Variants in PCSK5 observed in about 807,000 individuals in gnomAD.
PCSK5 encodes proprotein convertase subtilisin/kexin type 5.
Under a neutral mutation model 233.2 loss-of-function variants are expected in PCSK5, and 129 were observed. That is an observed-to-expected ratio of 0.55 (90% CI 0.48 to 0.64). The LOEUF is 0.64. Ranked by LOEUF, PCSK5 falls within the 30% of genes least tolerant of loss-of-function variation. The pLI is 0.00. For synonymous variants in PCSK5, 825 were observed against 879.2 expected (o/e 0.94, Z 1.09); for missense variants, 2,076 against 2,430.1 (o/e 0.85, Z 3.06).
chr9:76,146,769 T>C (rs1447662682), intron 10 of PCSK5, among the ~76,000 whole-genome samples: 1 of 152,102 alleles, frequency 6.6e-6, no homozygotes, highest in Non-Finnish European at 1.5e-5. Context: ...AATGGATAAA[T>C]ATATAGTAGA....
intron 10 of PCSK5, among the ~76,000 whole-genome samples, chr9:76,154,412 A>G (rs935611717): frequency 3.3e-5 from 5 of 152,152 alleles, no homozygotes; most frequent in Non-Finnish European, 7.3e-5. Context: ...TTATGTCCTC[A>G]TGGTTGTTAG....
intron 1 of PCSK5, among the ~76,000 whole-genome samples, chr9:75,901,395 C>T (rs1199992263): frequency 6.6e-6 from 1 of 152,148 alleles, no homozygotes; most frequent in Non-Finnish European, 1.5e-5. Flanking sequence ...ACCACATGTT[C>T]TCACTCATAA....
intron 13 of PCSK5, among the ~76,000 whole-genome samples, chr9:76,171,638 G>C (rs1475453240): frequency 6.6e-6 from 1 of 152,106 alleles, no homozygotes; most frequent in African/African-American, 2.4e-5. Context: ...AGCTTACTAT[G>C]ATTATGTGCA....
chr9:76,283,085 G>A (rs1827933539), intron 24 of PCSK5, among the ~76,000 whole-genome samples: 1 of 152,200 alleles, frequency 6.6e-6, no homozygotes, highest in African/African-American at 2.4e-5. Context: ...AGCAAAGAAA[G>A]TGGTTTTTCA....
At chr9:76,324,157 C>A (rs1829292531) in intron 32 of PCSK5, among the ~76,000 whole-genome samples, 1 of 151,904 alleles carries the variant, frequency 6.6e-6, no homozygotes, top group South Asian at 2.1e-4. Flanking sequence ...AACTCCTGAC[C>A]TCAAGTGATC....
intron 27 of PCSK5, among the ~76,000 whole-genome samples, chr9:76,300,852 T>C (rs1412429638): frequency 1.3e-5 from 2 of 152,178 alleles, no homozygotes; most frequent in East Asian, 3.8e-4. Context: ...AAAATGTATA[T>C]AAAGCTCTCA....
At chr9:75,931,268 TA>T (rs1429679221) in intron 1 of PCSK5, among the ~76,000 whole-genome samples, 11 of 129,898 alleles carry the variant, frequency 8.5e-5, no homozygotes, top group African/African-American at 2.1e-4. Context: ...TTTTTTTTTT[TA>T]AATTAGGAAA....
At chr9:76,292,420 G>T in intron 25 of PCSK5, 145 bp downstream of exon 25, 1 of 629,544 alleles carries the variant, frequency 1.6e-6, no homozygotes, top group South Asian at 2.1e-5. Flanking sequence ...GCAATTCTTG[G>T]ATTTAGCAAT....
At chr9:76,201,434 A>T (rs1824911736) in intron 20 of PCSK5, among the ~76,000 whole-genome samples, 2 of 152,210 alleles carry the variant, frequency 1.3e-5, no homozygotes, top group African/African-American at 4.8e-5. Context: ...AAGGTACTCC[A>T]GTGGTAGATA....
intron 13 of PCSK5, among the ~76,000 whole-genome samples, chr9:76,173,396 A>T (rs2131190755): frequency 6.8e-6 from 1 of 146,386 alleles, no homozygotes; most frequent in African/African-American, 2.5e-5. Flanking sequence ...CTACCAGCAT[A>T]TGCCTATGTT....
Position 76,044,353 on chromosome 9 carries a change from G to A in PCSK5, c.632+17316G>A, listed in dbSNP as rs183540472. ...GAGGAGATTAGAATTAATGAGATGG[G>A]AAGTAAATGTGATGATATTTTTGAA... On this transcript the variant is annotated intron_variant, in intron 5 of 37. Coordinates refer to ENST00000674117, the MANE Select transcript of PCSK5 (RefSeq NM_001372043.1). Among the ~76,000 whole-genome samples, 246 of 152,320 alleles carry A rather than the reference G, an allele frequency of 1.6e-3. 2 individuals are homozygous for A. In the East Asian group the frequency reaches 0.03, roughly 19 times the overall value.
intron 2 of PCSK5, among the ~76,000 whole-genome samples, chr9:75,975,682 A>C (rs1459026469): frequency 6.6e-6 from 1 of 152,216 alleles, no homozygotes; most frequent in Non-Finnish European, 1.5e-5. Flanking sequence ...AAAACCCATT[A>C]AGTGATTAAT....
chr9:76,157,288 T>C lies in PCSK5; in HGVS notation c.1430+126T>C. The stretch of plus-strand genomic sequence containing the variant: ...TTCTGTAGTTTCTCTCTAATGTGAC[T>C]ATGAAATGGTAATAGAACGGCTAGG... On this transcript the variant is annotated intron_variant, in intron 11 of 37. Transcript: ENST00000674117. 3 of 661,354 alleles carry C rather than the reference T, an allele frequency of 4.5e-6. No homozygotes were observed. The South Asian group carries it at 5.3e-5, about 12-fold the overall frequency. The allele number at this position is 661,354 out of a possible 1,614,324, so 41.0% of individuals were successfully genotyped here.
chr9:75,970,550 A>C (rs1030731634), intron 2 of PCSK5, among the ~76,000 whole-genome samples: 42 of 152,206 alleles, frequency 2.8e-4, no homozygotes, highest in African/African-American at 1.0e-3. Context: ...AAAATTCCTT[A>C]TGTGGAACAT....
intron 31 of PCSK5, 27 bp downstream of exon 31, chr9:76,321,666 C>G: frequency 1.3e-6 from 2 of 1,504,814 alleles, no homozygotes; most frequent in Non-Finnish European, 9.2e-7. Flanking sequence ...CACAGGAGAG[C>G]AAGGCTCTGC....
At chr9:76,237,693 T>C (rs1041349543) in intron 22 of PCSK5, among the ~76,000 whole-genome samples, 38 of 152,006 alleles carry the variant, frequency 2.5e-4, no homozygotes, top group African/African-American at 8.9e-4. Flanking sequence ...GGAGGATCAC[T>C]TGAGCCCAGG....
intron 36 of PCSK5, among the ~76,000 whole-genome samples, chr9:76,352,543 T>C (rs976550024): frequency 2.0e-5 from 3 of 152,114 alleles, no homozygotes; most frequent in African/African-American, 7.2e-5. Context: ...ATTTTTTGTA[T>C]TTTTAGTAGA....
chr9:76,251,563 CAAA>C (rs60973474), intron 24 of PCSK5, among the ~76,000 whole-genome samples: 2 of 96,800 alleles, frequency 2.1e-5, no homozygotes, highest in Non-Finnish European at 2.1e-5. Context: ...GACTCCGTCT[CAAA>C]AAAAAAAAAA....
intron 5 of PCSK5, among the ~76,000 whole-genome samples, chr9:76,059,934 A>T (rs1033039883): frequency 6.6e-6 from 1 of 152,168 alleles, no homozygotes; most frequent in South Asian, 2.1e-4. Context: ...AAGTGGGCTT[A>T]CTCTAGAACT....
Sources: gnomAD v4.1 joint callset for allele counts (sites outside exome capture counted in the v4.1 genomes callset) on GRCh38, gnomAD v4.1.1 for gene constraint, MANE v1.5 for transcripts, NCBI Gene and HGNC (gene_info 2026-07-23, HGNC 2026-07-21) for gene names.